Variants in CACNA1H observed in about 807,000 individuals in gnomAD.
CACNA1H encodes calcium voltage-gated channel subunit alpha1 H, also known as voltage-dependent T-type calcium channel subunit alpha-1H.
CACNA1H carries 149 observed loss-of-function variants against 192.5 expected under a neutral mutation model. The observed-to-expected ratio is 0.77, with a 90% CI of 0.68 to 0.89. The LOEUF (loss-of-function observed/expected upper bound fraction) is 0.89, where lower values mean the gene tolerates loss of function less well. Among genes scored for constraint, CACNA1H ranks in the 40% least tolerant of loss-of-function variants. CACNA1H has a pLI of 0.00. For missense variants in CACNA1H, 4,257 were observed against 3,423.5 expected (o/e 1.24, Z -6.08); for synonymous variants, 2,202 against 1,475.2 (o/e 1.49, Z -11.29).
chr16:1,201,496 C>G (rs989222661), intron 8 of CACNA1H, among the ~76,000 whole-genome samples, 167 bp from the exon 9 acceptor site: 1 of 152,164 alleles, frequency 6.6e-6, no homozygotes, highest in Non-Finnish European at 1.5e-5. Context: ...CTGCTCCAGA[C>G]GTGGGGGCTC....
rs748663367 is a variant in CACNA1H at position 1,202,280 on chromosome 16, C to T, written c.1830C>T (p.Thr610=). 1.3e-6 allele frequency: 2 copies of T among 1,582,114 alleles called. No individual in the cohort carries two copies. The highest frequency in any genetic ancestry group is 1.8e-5 in the Admixed American group (1 of 55,838). ...TCAGACTGGCCACAGGGCTGGGCAC[C>T]ATGAACTACCCCACGATCCTGCCCT... ...ASLRLATGLG[T]MNYPTILPSG... Residue 610 remains threonine, a synonymous_variant, in exon 9 of 35, where the codon ACC becomes ACT. Coordinates refer to ENST00000348261, the MANE Select transcript of CACNA1H (RefSeq NM_021098.3).
At chr16:1,179,304 A>C (rs1172655018) in intron 2 of CACNA1H, among the ~76,000 whole-genome samples, 1 of 151,926 alleles carries the variant, frequency 6.6e-6, no homozygotes, top group African/African-American at 2.4e-5. Context: ...CCCTGACCTC[A>C]GTCACCAGGC....
At chr16:1,209,761 C>T (rs1969201168) in intron 17 of CACNA1H, among the ~76,000 whole-genome samples, 1 of 152,184 alleles carries the variant, frequency 6.6e-6, no homozygotes, top group Non-Finnish European at 1.5e-5. Flanking sequence ...TCAAGGACCA[C>T]TCCCAGAGTC....
At chr16:1,195,202 C>G (rs1340823692) in intron 3 of CACNA1H, 119 bp downstream of exon 3, 3 of 353,728 alleles carry the variant, frequency 8.5e-6, no homozygotes, top group African/African-American at 8.6e-5. Flanking sequence ...GGGTCAGGGT[C>G]GGGGATCAGG....
At chr16:1,155,321 C>T (rs911493619) in intron 2 of CACNA1H, among the ~76,000 whole-genome samples, 7 of 152,190 alleles carry the variant, frequency 4.6e-5, no homozygotes, top group Admixed American at 3.9e-4. Flanking sequence ...AGGGTGGTGT[C>T]TGCGAGTAGG....
rs764371721 is a variant in CACNA1H, at chr16:1,200,802, C to G, written c.1206C>G (p.Leu402=). ...SFYNFIYFIL[L]IIVGSFFMIN... The stretch of plus-strand genomic sequence containing the variant: ...ACAACTTCATCTATTTCATCCTGCT[C>G]ATCATCGTGAGTGTGGGCGGCAGTG... Residue 402 remains leucine, a synonymous_variant, in exon 8 of 35, where the codon CTC becomes CTG. Coordinates refer to ENST00000348261, the MANE Select transcript of CACNA1H (RefSeq NM_021098.3). The G allele has an allele frequency of 2.5e-5, 39 of 1,551,220 alleles. No individual in the cohort carries two copies. Among genetic ancestry groups the G allele is most frequent in the Non-Finnish European group, 3.4e-5 (39 of 1,146,912 alleles).
intron 2 of CACNA1H, among the ~76,000 whole-genome samples, chr16:1,168,378 C>T (rs914187692): frequency 2.0e-5 from 3 of 152,066 alleles, no homozygotes; most frequent in Admixed American, 1.3e-4. Context: ...CACCCCGGGG[C>T]GTGGTTCTAG....
At chr16:1,154,656 T>C (rs1962061075) in intron 2 of CACNA1H, among the ~76,000 whole-genome samples, 1 of 151,816 alleles carries the variant, frequency 6.6e-6, no homozygotes, top group Admixed American at 6.6e-5. Flanking sequence ...AGCTGAAGGG[T>C]AGGGGGCAGG....
chr16:1,205,827 G>A (rs576631596), intron 11 of CACNA1H, among the ~76,000 whole-genome samples: 4 of 152,334 alleles, frequency 2.6e-5, no homozygotes, highest in South Asian at 4.1e-4. Flanking sequence ...ATAGGAGAGC[G>A]CCCTCGGCGA....
At chr16:1,163,737 C>A (rs1267911210) in intron 2 of CACNA1H, among the ~76,000 whole-genome samples, 2 of 152,226 alleles carry the variant, frequency 1.3e-5, no homozygotes, top group East Asian at 3.8e-4. Context: ...TGGCTGGTAG[C>A]TGGGACCACG....
At chr16:1,176,905 C>T (rs538639209) in intron 2 of CACNA1H, among the ~76,000 whole-genome samples, 2 of 152,256 alleles carry the variant, frequency 1.3e-5, no homozygotes, top group South Asian at 4.1e-4. Flanking sequence ...TGAGTGTCTG[C>T]TACGGCTGCT....
chr16:1,163,152 C>G (rs1301334473), intron 2 of CACNA1H, among the ~76,000 whole-genome samples: 1 of 152,236 alleles, frequency 6.6e-6, no homozygotes, highest in East Asian at 1.9e-4. Context: ...CCCTGGGGAG[C>G]CGATCCTGGG....
At chr16:1,162,541 T>G (rs1223301839) in intron 2 of CACNA1H, among the ~76,000 whole-genome samples, 3 of 151,764 alleles carry the variant, frequency 2.0e-5, no homozygotes, top group Admixed American at 6.6e-5. Flanking sequence ...AGTGGGTCAT[T>G]CGGAGCCTCG....
At position 1,220,557 on chromosome 16, in the gene CACNA1H, G is replaced by C. The variant is rs59103647; in HGVS notation, c.6625G>C (p.Ala2209Pro). 472 of 1,531,080 alleles carry C rather than the reference G, an allele frequency of 3.1e-4. No homozygotes were observed. The highest frequency in any genetic ancestry group is 3.9e-4 in the Non-Finnish European group (448 of 1,145,716). The allele number at this position is 1,531,080 out of a possible 1,614,324, so 94.8% of individuals were successfully genotyped here. ...CGAGGGCTCTGCGCGGCCCTCCGCG[G>C]CAGAGGGCGGCAGCACCACACTGAG... is the stretch of plus-strand genomic sequence containing the variant. ...EDEGSARPSAAEGGSTTLRRR... is the reference protein window; with the variant it reads ...EDEGSARPSAPEGGSTTLRRR... Residue 2209 changes from alanine (A) to proline (P), a missense_variant, in exon 35 of 35, where the codon GCA becomes CCA. Physicochemically the swap from Ala to Pro is conservative, Grantham distance 27. Transcript: ENST00000348261.
At chr16:1,198,033 C>T (rs1045200790) in intron 5 of CACNA1H, among the ~76,000 whole-genome samples, 8 of 152,170 alleles carry the variant, frequency 5.3e-5, no homozygotes, top group African/African-American at 1.9e-4. Flanking sequence ...TGAGATGGGG[C>T]TCTGTTCTGG....
At chr16:1,185,123 G>C (rs1191725838) in intron 2 of CACNA1H, among the ~76,000 whole-genome samples, 1 of 152,236 alleles carries the variant, frequency 6.6e-6, no homozygotes, top group Non-Finnish European at 1.5e-5. Flanking sequence ...TGGTCCTTCT[G>C]TGCCCAGTTC....
In CACNA1H at chr16:1,215,275, G is replaced by A. The variant is rs371953309; in HGVS notation, c.5073G>A (p.Leu1691=). The change falls in exon 29 of 35, where the codon CTG becomes CTA. Residue 1691 remains leucine, a synonymous_variant. Transcript: ENST00000348261. ...WNQLDLAIVL[L]SLMGITLEEI... is the part of the protein sequence containing the mutation. Reference sequence around the variant, plus strand: ...AGCTGGACCTGGCCATCGTGCTGCTGTCACTCATGGGCATCACGCTGGAGG... The same window carrying A: ...AGCTGGACCTGGCCATCGTGCTGCTATCACTCATGGGCATCACGCTGGAGG... 2 of 1,607,412 alleles carry A rather than the reference G, an allele frequency of 1.2e-6. No individual in the cohort carries two copies. The highest frequency in any genetic ancestry group is 1.3e-5 in the African/African-American group (1 of 74,944).
At chr16:1,195,370 G>T (rs370537514) in intron 3 of CACNA1H, 62 bp from the exon 4 acceptor site, 10 of 1,545,672 alleles carry the variant, frequency 6.5e-6, no homozygotes, top group Non-Finnish European at 8.7e-6. Context: ...GCGGGGCTGG[G>T]GTTGGGGGTT....
At position 1,208,163 on chromosome 16, in the gene CACNA1H, A is replaced by C; in HGVS notation, c.3305A>C (p.Asp1102Ala). The C allele has an allele frequency of 6.4e-7, 1 of 1,570,142 alleles. No individual in the cohort carries two copies. The highest frequency in any genetic ancestry group is 8.6e-7 in the Non-Finnish European group (1 of 1,160,222). ...PFLDAAPSLP[D>A]SRRGSSSSGD... is the part of the protein sequence containing the mutation. The stretch of plus-strand genomic sequence containing the variant: ...CTGGATGCAGCCCCCAGCCTCCCAG[A>C]CTCTCGGCGTGGCAGCAGCAGCTCC... Residue 1102 changes from aspartate (D) to alanine (A), a missense_variant, in exon 16 of 35, where the codon GAC (aspartate) becomes GCC (alanine). Transcript: ENST00000348261.
Sources: allele counts gnomAD v4.1 joint callset (sites outside exome capture counted in the v4.1 genomes callset), GRCh38; gene constraint gnomAD v4.1.1; transcripts MANE v1.5; gene names NCBI Gene and HGNC (gene_info 2026-07-23, HGNC 2026-07-21).